Variants in COG2 observed in about 807,000 individuals in gnomAD.
COG2 encodes conserved oligomeric Golgi complex subunit 2.
Under a neutral mutation model 90.6 loss-of-function variants are expected in COG2, and 52 were observed. That is an observed-to-expected ratio of 0.57 (90% CI 0.46 to 0.72). COG2 has a LOEUF of 0.72. Ranked by LOEUF, COG2 falls within the 30% of genes least tolerant of loss-of-function variation. COG2 has a pLI of 0.00. For synonymous variants in COG2, 337 were observed against 320.4 expected (o/e 1.05, Z -0.55); for missense variants, 829 against 891.2 (o/e 0.93, Z 0.89).
chr1:230,680,356 C>CT (rs1357999452), intron 10 of COG2: 1 of 116,740 alleles, frequency 8.6e-6, no homozygotes, highest in Non-Finnish European at 2.1e-5. Flanking sequence ...TGCCTCCAAA[C>CT]TTTCCTGGTC....
At chr1:230,680,483 GC>G (rs1198142811) in intron 10 of COG2, 1 of 152,076 alleles carries the variant, frequency 6.6e-6, no homozygotes, top group Non-Finnish European at 1.5e-5. Flanking sequence ...GCCAGGCTGG[GC>G]CCCTTGGTGA....
intron 13 of COG2, 49 bp downstream of exon 13, chr1:230,687,181 A>G (rs1179285312): frequency 6.5e-7 from 1 of 1,538,368 alleles, no homozygotes; most frequent in Non-Finnish European, 8.9e-7. Flanking sequence ...TAATGTTTTC[A>G]CAGAAGGTAG....
intron 3 of COG2, among the ~76,000 whole-genome samples, chr1:230,661,988 G>T (rs1662191546): frequency 6.6e-6 from 1 of 151,948 alleles, no homozygotes; most frequent in South Asian, 2.1e-4. Flanking sequence ...TGGAGATAGG[G>T]TGTTTTCCGA....
chr1:230,645,233 C>CAAAAAAA (rs57806034), intron 1 of COG2, among the ~76,000 whole-genome samples: 1 of 91,060 alleles, frequency 1.1e-5, no homozygotes, highest in East Asian at 2.8e-4. Flanking sequence ...GAGACCCTGT[C>CAAAAAAA]AAAAAAAAAA....
At chr1:230,684,244 G>T (rs1662829948) in intron 11 of COG2, 2 of 152,376 alleles carry the variant, frequency 1.3e-5, no homozygotes. Context: ...GCCCCTTGGT[G>T]TGCTTATGTG....
intron 7 of COG2, chr1:230,670,583 TTACA>T (rs1003823876): frequency 6.6e-6 from 1 of 152,108 alleles, no homozygotes; most frequent in Admixed American, 6.5e-5. Context: ...GGTGAAAAAA[TTACA>T]TACATTATTT....
intron 12 of COG2, 55 bp downstream of exon 12, chr1:230,685,291 AT>A: frequency 6.3e-7 from 1 of 1,585,660 alleles, no homozygotes; most frequent in South Asian, 1.1e-5. Context: ...AATTAAAGAT[AT>A]GTTAGGCTAA....
At chr1:230,643,045 G>A in intron 1 of COG2, 1 of 216,962 alleles carries the variant, frequency 4.6e-6, no homozygotes, top group Non-Finnish European at 9.1e-6. Flanking sequence ...TTAAGTGTGT[G>A]TTGAATAAAT....
At chr1:230,646,665 T>A (rs1661792326) in intron 1 of COG2, among the ~76,000 whole-genome samples, 1 of 151,652 alleles carries the variant, frequency 6.6e-6, no homozygotes. Flanking sequence ...CACCTCAAAC[T>A]CGGCATATTT....
intron 17 of COG2, among the ~76,000 whole-genome samples, chr1:230,692,078 G>A (rs1433953836): frequency 1.3e-5 from 2 of 151,954 alleles, no homozygotes; most frequent in Non-Finnish European, 2.9e-5. Context: ...TCACTTAAGA[G>A]GTGATATGGA....
At chr1:230,648,720 G>A (rs753986197) in intron 1 of COG2, among the ~76,000 whole-genome samples, 33 of 152,320 alleles carry the variant, frequency 2.2e-4, no homozygotes, top group Middle Eastern at 6.8e-3. Flanking sequence ...TAAGCATCAT[G>A]TAAATAGATC....
At chr1:230,667,280 GTATTA>G (rs1232060643) in intron 5 of COG2, among the ~76,000 whole-genome samples, 4 of 152,052 alleles carry the variant, frequency 2.6e-5, no homozygotes, top group African/African-American at 9.7e-5. Flanking sequence ...TTATATTATT[GTATTA>G]TATTATATTC....
Position 230,687,133 on chromosome 1 carries a change from G to A in COG2, c.1578+1G>A. ...AGACCTGGACAAGCTTCAGGAGCAG[G>A]TAAGCCTGTGTCCCAGAATAATTCC... On this transcript the variant is annotated splice_donor_variant, in intron 13 of 17. Transcript: ENST00000366669. LOFTEE classifies it high-confidence loss of function. 1 of 1,607,016 alleles carries A rather than the reference G, an allele frequency of 6.2e-7. No homozygotes were observed. Among genetic ancestry groups the A allele is most frequent in the Middle Eastern group, 1.7e-4 (1 of 6,038 alleles).
intron 13 of COG2, among the ~76,000 whole-genome samples, chr1:230,687,441 C>T (rs1037183569): frequency 8.5e-5 from 13 of 152,166 alleles, no homozygotes; most frequent in African/African-American, 3.1e-4. Flanking sequence ...CAGCCATGCT[C>T]CCCCACTTTT....
At chr1:230,675,614 TG>T (rs1267684361) in intron 9 of COG2, among the ~76,000 whole-genome samples, 6 of 152,118 alleles carry the variant, frequency 3.9e-5, no homozygotes, top group African/African-American at 1.4e-4. Context: ...AATATTTATT[TG>T]TTTTTTTAAT....
At chr1:230,683,877 C>T (rs777390977) in intron 11 of COG2, among the ~76,000 whole-genome samples, 12 of 151,924 alleles carry the variant, frequency 7.9e-5, no homozygotes, top group African/African-American at 1.9e-4. Flanking sequence ...CTGCAGCCCC[C>T]GCCTCCCAGG....
chr1:230,642,908 G>C, intron 1 of COG2: 1 of 537,504 alleles, frequency 1.9e-6, no homozygotes, highest in Non-Finnish European at 3.3e-6. Context: ...AGGCCTGAAA[G>C]TTCTGGGCAA....
intron 1 of COG2, among the ~76,000 whole-genome samples, chr1:230,649,295 G>A (rs1277763999): frequency 6.6e-6 from 1 of 152,172 alleles, no homozygotes; most frequent in Admixed American, 6.5e-5. Context: ...ACTGGGTCAT[G>A]TGTCAATGGA....
chr1:230,677,781 A>G (rs1226983712), intron 9 of COG2, among the ~76,000 whole-genome samples: 1 of 152,246 alleles, frequency 6.6e-6, no homozygotes, highest in Non-Finnish European at 1.5e-5. Context: ...TATAGTTTCC[A>G]GCAGATAGTA....
Sources: gnomAD v4.1 joint callset for allele counts (sites outside exome capture counted in the v4.1 genomes callset) on GRCh38, gnomAD v4.1.1 for gene constraint, MANE v1.5 for transcripts, NCBI Gene and HGNC (gene_info 2026-07-23, HGNC 2026-07-21) for gene names.